LCOR: variants seen among roughly 807,000 people sequenced by gnomAD.
LCOR encodes ligand-dependent corepressor.
In LCOR, 14 loss-of-function variants were observed where a neutral mutation model predicts 64.4. The ratio of observed to expected loss-of-function variants is 0.22; its 90% CI spans 0.14 to 0.34. The LOEUF is 0.34. Among genes scored for constraint, LCOR ranks in the 10% least tolerant of loss-of-function variants. The pLI is 1.00. For synonymous variants in LCOR, 643 were observed against 642.5 expected (o/e 1.00, Z -0.01); for missense variants, 1,686 against 1,765.3 (o/e 0.96, Z 0.80).
chr10:96,874,950 A>G (rs567476961), intron 2 of LCOR, among the ~76,000 whole-genome samples: 4 of 151,988 alleles, frequency 2.6e-5, no homozygotes, highest in African/African-American at 4.8e-5. Context: ...AATCTCTTTA[A>G]TTATGTAATA....
intron 5 of LCOR, among the ~76,000 whole-genome samples, chr10:96,948,697 AG>A (rs1163649841): frequency 3.9e-5 from 6 of 152,186 alleles, no homozygotes; most frequent in Non-Finnish European, 8.8e-5. Flanking sequence ...GTATTTCCTA[AG>A]TGAAGGGTTT....
At chr10:96,865,949 T>A (rs1461501895) in intron 2 of LCOR, among the ~76,000 whole-genome samples, 1 of 152,044 alleles carries the variant, frequency 6.6e-6, no homozygotes, top group African/African-American at 2.4e-5. Flanking sequence ...TATCCTTTTC[T>A]GGCCAATCTC....
At chr10:96,939,899 G>T (rs1385959391) in intron 4 of LCOR, among the ~76,000 whole-genome samples, 1 of 152,214 alleles carries the variant, frequency 6.6e-6, no homozygotes, top group Non-Finnish European at 1.5e-5. Context: ...GGAGGCGGAG[G>T]TTGCAGTGAG....
chr10:96,866,262 C>T (rs1219555255), intron 2 of LCOR, among the ~76,000 whole-genome samples: 1 of 152,200 alleles, frequency 6.6e-6, no homozygotes, highest in Non-Finnish European at 1.5e-5. Flanking sequence ...CTCATTCTGT[C>T]TCCTTCCCTT....
In LCOR at chr10:96,984,311, A is replaced by G. The variant is rs1427418760; in HGVS notation, c.3851A>G (p.Asp1284Gly). ...GTCAGCCCCGGCCCTAATTCTGAAG[A>G]CAGCATAGAGGAAGTCAAGGAAGAT... ...SDVSPGPNSE[D>G]SIEEVKEDRN... Residue 1284 changes from aspartate (D) to glycine (G), a missense_variant, in exon 8 of 8, where the codon GAC becomes GGC. Asp to Gly is a moderately conservative substitution (Grantham distance 94). This residue lies in a region of LCOR where 1,293 missense variants were observed against 1,410.4 expected (regional missense o/e 0.92). Coordinates refer to ENST00000421806, the MANE Select transcript of LCOR (RefSeq NM_001346516.2). 1.9e-6 allele frequency: 3 copies of G among 1,614,038 alleles called. No individual in the cohort carries two copies. In the South Asian group the frequency reaches 3.3e-5, roughly 18 times the overall value.
intron 7 of LCOR, chr10:96,957,756 C>G: frequency 4.1e-6 from 4 of 985,362 alleles, no homozygotes; most frequent in Non-Finnish European, 4.8e-6. Context: ...TTAGGCACAC[C>G]ATTGCTGTTA....
chr10:96,949,290 A>G lies in LCOR; in HGVS notation c.233A>G (p.Glu78Gly). The G allele has an allele frequency of 6.2e-7, 1 of 1,614,110 alleles. No individual in the cohort carries two copies. Among genetic ancestry groups the G allele is most frequent in the Non-Finnish European group, 8.5e-7 (1 of 1,179,980 alleles). Residue 78 changes from glutamate (E) to glycine (G), a missense_variant, in exon 6 of 8, where the codon GAA becomes GGA. Physicochemically the swap from Glu to Gly is moderately conservative, Grantham distance 98. Around this residue, in one of 3 missense-constraint regions of LCOR, gnomAD observed 80 missense variants for 107.7 expected, o/e 0.74. Coordinates refer to ENST00000421806, the MANE Select transcript of LCOR (RefSeq NM_001346516.2). The stretch of plus-strand genomic sequence containing the variant: ...AGAAAGTCTCAGTCAGAACCTAGCG[A>G]ACAAGGTATGGTTTGATGTCAAGGT... ...TVRKSQSEPS[E>G]QDGVLDLSTK...
intron 2 of LCOR, among the ~76,000 whole-genome samples, chr10:96,847,616 T>C (rs759693913): frequency 2.0e-4 from 30 of 152,122 alleles, no homozygotes; most frequent in Non-Finnish European, 3.8e-4. Context: ...TAATTTTGTA[T>C]TTTTAGTAGA....
chr10:96,931,653 A>G (rs1847263231), intron 4 of LCOR, among the ~76,000 whole-genome samples: 1 of 152,236 alleles, frequency 6.6e-6, no homozygotes, highest in Non-Finnish European at 1.5e-5. Flanking sequence ...TGAGTCTACC[A>G]GAGAACATAA....
chr10:96,923,090 T>A (rs1320916311), intron 4 of LCOR, among the ~76,000 whole-genome samples: 1 of 152,220 alleles, frequency 6.6e-6, no homozygotes, highest in East Asian at 1.9e-4. Flanking sequence ...GTATGGACAT[T>A]TAAATGGTGG....
chr10:96,918,675 A>C (rs973539698), intron 4 of LCOR, among the ~76,000 whole-genome samples: 1 of 152,232 alleles, frequency 6.6e-6, no homozygotes, highest in Non-Finnish European at 1.5e-5. Context: ...TAGTTACTGG[A>C]CATTGGTAGG....
chr10:96,855,261 A>G (rs1394785090), intron 2 of LCOR, among the ~76,000 whole-genome samples: 2 of 152,186 alleles, frequency 1.3e-5, no homozygotes, highest in Non-Finnish European at 2.9e-5. Flanking sequence ...TGTGTGAGAC[A>G]TACAGAATGA....
intron 7 of LCOR, chr10:96,958,270 TAG>T: frequency 7.5e-7 from 1 of 1,337,736 alleles, no homozygotes; most frequent in Non-Finnish European, 9.6e-7. Flanking sequence ...TCAACTTTTG[TAG>T]AGTTTATTGT....
chr10:96,971,570 ACTAC>A (rs1194308860), intron 7 of LCOR, among the ~76,000 whole-genome samples: 1 of 152,184 alleles, frequency 6.6e-6, no homozygotes, highest in African/African-American at 2.4e-5. Flanking sequence ...TAGAGGAGAA[ACTAC>A]CTAATGCAGC....
Position 96,992,432 on chromosome 10 carries a change from CAG to C in LCOR, c.*7299_*7300del, listed in dbSNP as rs2134574326. ...GCTCAACCATTGAGCCCCCAAACAA[CAG>C]TGAAAGCAGAAAGGTGTGGCCTTGA... On this transcript the variant is annotated 3_prime_UTR_variant, in exon 8 of 8. Transcript: ENST00000421806. 6.6e-6 allele frequency: 1 copy of C among 152,384 alleles called. No individual in the cohort carries two copies. Among genetic ancestry groups the C allele is most frequent in the Admixed American group, 6.5e-5 (1 of 15,312 alleles). The allele number at this position is 152,384 out of a possible 1,614,324, so 9.4% of individuals were successfully genotyped here.
intron 7 of LCOR, chr10:96,957,451 C>T: frequency 2.0e-6 from 2 of 985,064 alleles, no homozygotes; most frequent in Non-Finnish European, 2.4e-6. Flanking sequence ...TCATTGTGAT[C>T]AGATTAAAAT....
chr10:96,848,972 GAATT>G (rs1025397569), intron 2 of LCOR, among the ~76,000 whole-genome samples: 3 of 134,764 alleles, frequency 2.2e-5, no homozygotes, highest in East Asian at 2.4e-4. Context: ...TCAAGAAACT[GAATT>G]AATTTTTAAA....
At position 96,985,427 on chromosome 10, in the gene LCOR, T is replaced by G; in HGVS notation, c.*293T>G. 1 of 259,106 alleles carries G rather than the reference T, an allele frequency of 3.9e-6. No homozygotes were observed. Among genetic ancestry groups the G allele is most frequent in the South Asian group, 1.4e-4 (1 of 7,058 alleles). 16.1% of individuals were successfully genotyped at this position (259,106 alleles called of 1,614,324 possible). On this transcript the variant is annotated 3_prime_UTR_variant, in exon 8 of 8. Coordinates refer to ENST00000421806, the MANE Select transcript of LCOR (RefSeq NM_001346516.2). ...CAGTGCCTTATTTATCCTTTTTGTT[T>G]TTAAATTTACAAAAGCTAAAAAGCT...
At chr10:96,891,455 G>T (rs1378214138) in intron 2 of LCOR, among the ~76,000 whole-genome samples, 2 of 128,414 alleles carry the variant, frequency 1.6e-5, no homozygotes, top group Non-Finnish European at 3.3e-5. Flanking sequence ...AGAAATTTTG[G>T]GTTCATTGAT....
Sources: gnomAD v4.1 joint callset for allele counts (sites outside exome capture counted in the v4.1 genomes callset) on GRCh38, gnomAD v4.1.1 for gene constraint, gnomAD v4.1.1 regional missense constraint, MANE v1.5 for transcripts, NCBI Gene and HGNC (gene_info 2026-07-23, HGNC 2026-07-21) for gene names.